EBF1: variants seen among roughly 807,000 people sequenced by gnomAD.
The protein encoded by EBF1 is transcription factor COE1.
Under a neutral mutation model 68.4 loss-of-function variants are expected in EBF1, and 10 were observed. The observed-to-expected ratio is 0.15, with a 90% CI of 0.09 to 0.25. EBF1 has a LOEUF of 0.25. Ranked by LOEUF, EBF1 falls within the 10% of genes least tolerant of loss-of-function variation. The pLI is 1.00. For synonymous variants in EBF1, 298 were observed against 299.8 expected, an observed-to-expected ratio of 0.99 and a Z score of 0.06; for missense variants, 509 against 794.4, an observed-to-expected ratio of 0.64 and a Z score of 4.32.
chr5:158,697,981 C>G lies in EBF1; in HGVS notation c.*1130G>C, dbSNP rs139280556. The G allele has an allele frequency of 1.0e-4, 22 of 211,456 alleles. No individual in the cohort carries two copies. Among genetic ancestry groups the G allele is most frequent in the African/African-American group, 4.5e-4 (20 of 44,178 alleles). 13.1% of individuals were successfully genotyped at this position (211,456 alleles called of 1,614,324 possible). A position where few individuals can be genotyped will look rare whatever the true frequency, so the allele number is the denominator to read the frequency against. On this transcript the variant is annotated 3_prime_UTR_variant, in exon 16 of 16. Transcript: ENST00000313708. ...TCTCCACCCCCGGTTCCCTTTAACT[C>G]TTAATTCCAAAGCACTTAACCTGTT...
At chr5:158,977,568 T>C (rs1757030444) in intron 6 of EBF1, among the ~76,000 whole-genome samples, 2 of 152,202 alleles carry the variant, frequency 1.3e-5, no homozygotes, top group Admixed American at 1.3e-4. Context: ...GAAGAAAATT[T>C]AGCATCCTAT....
At chr5:159,017,702 G>C (rs1183889665) in intron 6 of EBF1, among the ~76,000 whole-genome samples, 1 of 152,092 alleles carries the variant, frequency 6.6e-6, no homozygotes, top group Non-Finnish European at 1.5e-5. Flanking sequence ...ATTTAAATGG[G>C]GTCATACACA....
chr5:158,753,397 T>G (rs1769355461), intron 10 of EBF1, among the ~76,000 whole-genome samples: 1 of 152,100 alleles, frequency 6.6e-6, no homozygotes, highest in Non-Finnish European at 1.5e-5. Context: ...AACACAAGAA[T>G]TTATAAAGGA....
chr5:158,796,263 C>T (rs1316775536), intron 9 of EBF1, 82 bp downstream of exon 9: 3 of 1,426,048 alleles, frequency 2.1e-6, no homozygotes, highest in Non-Finnish European at 2.8e-6. Context: ...CTAGAGTCTA[C>T]ACATTCTATT....
chr5:158,784,909 T>C (rs1038791780), intron 9 of EBF1, among the ~76,000 whole-genome samples: 2 of 152,200 alleles, frequency 1.3e-5, no homozygotes, highest in Admixed American at 1.3e-4. Context: ...CTCAGTTTAC[T>C]AATCTTATAC....
chr5:158,944,982 G>C (rs1288848712), intron 6 of EBF1, among the ~76,000 whole-genome samples: 2 of 152,174 alleles, frequency 1.3e-5, no homozygotes, highest in Non-Finnish European at 2.9e-5. Context: ...CCCTTTGTCA[G>C]ATGGATAGAT....
Position 158,956,479 on chromosome 5 carries a change from GCACA to G in EBF1, c.555-116373_555-116370del, listed in dbSNP as rs149445763. ...CACACATAGACACACACACACACACGCACACACACACACGCACGCACACTTTCAG... is the reference window on the plus strand; with the variant it reads ...CACACATAGACACACACACACACACGCACACACACGCACGCACACTTTCAG... On this transcript the variant is annotated intron_variant, in intron 6 of 15. Transcript: ENST00000313708. 2.0e-3 allele frequency among the ~76,000 whole-genome samples: 306 copies of G among 149,834 alleles called. 2 individuals are homozygous for G. Among genetic ancestry groups the G allele is most frequent in the African/African-American group, 6.9e-3 (281 of 40,878 alleles).
At chr5:158,839,881 G>T in intron 7 of EBF1, 148 bp downstream of exon 7, 2 of 692,442 alleles carry the variant, frequency 2.9e-6, no homozygotes, top group African/African-American at 1.8e-5. Flanking sequence ...CTAAACAACT[G>T]CTAGATTGCA....
intron 6 of EBF1, among the ~76,000 whole-genome samples, chr5:158,947,775 C>T (rs1324567526): frequency 6.6e-6 from 1 of 152,134 alleles, no homozygotes; most frequent in Non-Finnish European, 1.5e-5. Context: ...CTGAGCAAAG[C>T]TAAATACGAA....
intron 5 of EBF1, among the ~76,000 whole-genome samples, chr5:159,075,619 C>A (rs1778625846): frequency 6.6e-6 from 1 of 152,204 alleles, no homozygotes. Flanking sequence ...TTGGACTCTG[C>A]AGTGGCTGCC....
chr5:158,978,149 G>A (rs1031237655), intron 6 of EBF1, among the ~76,000 whole-genome samples: 55 of 152,336 alleles, frequency 3.6e-4, no homozygotes, highest in African/African-American at 1.3e-3. Context: ...TCTCACTTAT[G>A]ACATGATTGA....
intron 6 of EBF1, among the ~76,000 whole-genome samples, chr5:158,902,200 C>T (rs1159432085): frequency 6.6e-6 from 1 of 152,128 alleles, no homozygotes; most frequent in Non-Finnish European, 1.5e-5. Flanking sequence ...TTTTTTACTG[C>T]TGTCGAGAAG....
At chr5:159,090,833 A>G (rs1472693776) in intron 4 of EBF1, among the ~76,000 whole-genome samples, 1 of 151,900 alleles carries the variant, frequency 6.6e-6, no homozygotes, top group Non-Finnish European at 1.5e-5. Context: ...TAATAATAAT[A>G]AAAGCATCTA....
chr5:158,862,574 A>G (rs1431877585), intron 6 of EBF1, among the ~76,000 whole-genome samples: 1 of 152,146 alleles, frequency 6.6e-6, no homozygotes. Flanking sequence ...CAGGGCTGAG[A>G]AAAGGACTCA....
chr5:158,869,912 T>C (rs1181696843), intron 6 of EBF1, among the ~76,000 whole-genome samples: 1 of 152,200 alleles, frequency 6.6e-6, no homozygotes, highest in Non-Finnish European at 1.5e-5. Context: ...TGTTTTGTTT[T>C]GGGGACCAGG....
intron 6 of EBF1, among the ~76,000 whole-genome samples, chr5:159,022,056 T>TAAAAAA (rs10630834): frequency 0.14 from 14,271 of 105,034 alleles, 1,290 homozygotes; most frequent in South Asian, 0.24. Context: ...GTCAGCACGA[T>TAAAAAA]AAAAAAAAAA....
At chr5:158,763,573 C>G (rs1372872010) in intron 10 of EBF1, among the ~76,000 whole-genome samples, 1 of 150,362 alleles carries the variant, frequency 6.7e-6, no homozygotes, top group Admixed American at 6.7e-5. Flanking sequence ...TCCATGACAC[C>G]CTTTTTGTAA....
chr5:158,930,138 A>G (rs1037853063), intron 6 of EBF1, among the ~76,000 whole-genome samples: 3 of 152,180 alleles, frequency 2.0e-5, no homozygotes, highest in African/African-American at 7.2e-5. Context: ...TGTTAGAAAT[A>G]CGAAATGCAA....
Position 159,096,353 on chromosome 5 carries a change from G to A in EBF1, c.345C>T (p.Leu115=). ...CGACCCGGGCCTCACCATTGCTGTA[G>A]AGAAGCTGAAGCCGGTAGTGAATTC... is the stretch of plus-strand genomic sequence containing the variant. ...NNGIHYRLQL[L]YSNGIRTEQD... is the part of the protein sequence containing the mutation. The change falls in exon 3 of 16, where the codon CTC becomes CTT. Residue 115 remains leucine, a synonymous_variant. Coordinates refer to ENST00000313708, the MANE Select transcript of EBF1 (RefSeq NM_024007.5). 6.2e-7 allele frequency: 1 copy of A among 1,613,610 alleles called. No individual in the cohort carries two copies. The highest frequency in any genetic ancestry group is 8.5e-7 in the Non-Finnish European group (1 of 1,179,828).
Sources: gnomAD v4.1 joint callset for allele counts (sites outside exome capture counted in the v4.1 genomes callset) on GRCh38, gnomAD v4.1.1 for gene constraint, MANE v1.5 for transcripts, NCBI Gene and HGNC (gene_info 2026-07-23, HGNC 2026-07-21) for gene names.